Variants in TNRC6C observed in about 807,000 individuals in gnomAD.
TNRC6C encodes the protein trinucleotide repeat-containing gene 6C protein.
In TNRC6C, 20 loss-of-function variants were observed where a neutral mutation model predicts 153.7. That is an observed-to-expected ratio of 0.13 (90% CI 0.09 to 0.19). The LOEUF (loss-of-function observed/expected upper bound fraction) is 0.19, where lower values mean the gene tolerates loss of function less well. Among genes scored for constraint, TNRC6C ranks in the 10% least tolerant of loss-of-function variants. The pLI, the probability that TNRC6C is intolerant of heterozygous loss-of-function variation, is 1.00. For missense variants in TNRC6C, 1,987 were observed against 2,172.0 expected (o/e 0.91, Z 1.69); for synonymous variants, 811 against 841.4 (o/e 0.96, Z 0.63).
Position 77,962,629 on chromosome 17 carries a change from A to C in TNRC6C, c.-38+3361A>C, listed in dbSNP as rs180994334. Among the ~76,000 whole-genome samples, 280 of 152,346 alleles carry C rather than the reference A, an allele frequency of 1.8e-3. 1 individual carries two copies. The highest frequency in any genetic ancestry group is 3.4e-3 in the Middle Eastern group (1 of 294). ...CGGAGTCCTGAACAGACTGAGCGTG[A>C]AAGGGTCTATATAAGCTGGGAAGAA... On this transcript the variant is annotated intron_variant, in intron 1 of 22. Transcript: ENST00000636222.
exon 9 of TNRC6C, chr17:78,077,236 A>G: frequency 6.2e-7 from 1 of 1,602,690 alleles, no homozygotes; most frequent in Non-Finnish European, 8.5e-7. Context: ...GCCTTCCCCA[A>G]GCCTGAAGCT....
chr17:78,015,311 A>C (rs2071707660), intron 1 of TNRC6C, among the ~76,000 whole-genome samples: 1 of 152,238 alleles, frequency 6.6e-6, no homozygotes, highest in Non-Finnish European at 1.5e-5. Context: ...AGCATGAATG[A>C]GGAAACCTTG....
chr17:77,985,712 T>C (rs1257245262), intron 1 of TNRC6C, among the ~76,000 whole-genome samples: 2 of 152,186 alleles, frequency 1.3e-5, no homozygotes, highest in Non-Finnish European at 2.9e-5. Flanking sequence ...TCGGGCCTAC[T>C]TGGATGGATA....
At chr17:78,038,181 A>C (rs986710289) in intron 2 of TNRC6C, among the ~76,000 whole-genome samples, 10 of 152,218 alleles carry the variant, frequency 6.6e-5, no homozygotes, top group African/African-American at 1.9e-4. Context: ...TGAGTGTATA[A>C]AAATTTAAAA....
chr17:78,049,385 C>T lies in TNRC6C; in HGVS notation c.323C>T (p.Ala108Val), dbSNP rs1057345528. Residue 108 changes from alanine (A) to valine (V), a missense_variant, in exon 3 of 20, where the codon GCC becomes GTC. Physicochemically the swap from Ala to Val is moderately conservative, Grantham distance 64. Coordinates refer to ENST00000301624, the Ensembl canonical transcript of TNRC6C. The surrounding 1 kb of genome is among the most constrained non-coding windows in gnomAD (Gnocchi z 4.1). ...CTTAATCCTAATGCCAACCCAGCTG[C>T]CTGGCCTGTACTTGGACATGAAGGA... The T allele has an allele frequency of 1.2e-6, 2 of 1,614,000 alleles. No individual in the cohort carries two copies. Among genetic ancestry groups the T allele is most frequent in the South Asian group, 1.1e-5 (1 of 91,088 alleles).
intron 1 of TNRC6C, among the ~76,000 whole-genome samples, chr17:77,971,140 CT>C (rs1335181275): frequency 6.6e-6 from 1 of 152,154 alleles, no homozygotes; most frequent in Non-Finnish European, 1.5e-5. Context: ...TGTAAAATGT[CT>C]ATCTGAGACC....
chr17:78,067,948 G>A (rs548925449), intron 5 of TNRC6C, 25 bp downstream of exon 7: 4 of 1,577,010 alleles, frequency 2.5e-6, no homozygotes, highest in Non-Finnish European at 3.4e-6. Flanking sequence ...CTTAACGACG[G>A]TACACCCTGA....
exon 20 of TNRC6C, chr17:78,105,623 G>A (rs1307971040): frequency 6.6e-6 from 1 of 151,090 alleles, no homozygotes; most frequent in African/African-American, 2.5e-5. Flanking sequence ...ATGTGTGCGT[G>A]TTGAAACAGA....
chr17:78,098,205 G>T, intron 16 of TNRC6C, 138 bp from the exon 20 acceptor site: 2 of 896,050 alleles, frequency 2.2e-6, no homozygotes, highest in Non-Finnish European at 3.3e-6. Flanking sequence ...GAGTTTGCCA[G>T]GGGCTTGACT....
Position 78,071,073 on chromosome 17 carries a change from A to C in TNRC6C, c.2779-12A>C, listed in dbSNP as rs369383786. The C allele has an allele frequency of 3.5e-5, 56 of 1,594,058 alleles. No individual in the cohort carries two copies. The highest frequency in any genetic ancestry group is 4.7e-5 in the Non-Finnish European group (55 of 1,170,082). ...GCTCATGGACTTCCCCCTTTCCCACACTTTGTTCAAGGGCATGAAGACGTC... is the reference window on the plus strand; with the variant it reads ...GCTCATGGACTTCCCCCTTTCCCACCCTTTGTTCAAGGGCATGAAGACGTC... On this transcript the variant is annotated splice_polypyrimidine_tract_variant and intron_variant, in intron 5 of 19. Coordinates refer to ENST00000301624, the Ensembl canonical transcript of TNRC6C.
At chr17:77,968,098 G>A (rs568948228) in intron 1 of TNRC6C, among the ~76,000 whole-genome samples, 73 of 152,240 alleles carry the variant, frequency 4.8e-4, no homozygotes, top group African/African-American at 1.6e-3. Context: ...CTGTGGCATG[G>A]TCTCAGCTAC....
At chr17:78,092,817 A>AT in intron 14 of TNRC6C, 116 bp from the exon 17 acceptor site, 1 of 739,892 alleles carries the variant, frequency 1.4e-6, no homozygotes, top group Non-Finnish European at 2.2e-6. Context: ...ATGTAACTGA[A>AT]TAGGGCAAGG....
intron 1 of TNRC6C, 142 bp downstream of exon 1, chr17:77,959,410 G>C (rs998439960): frequency 6.6e-6 from 1 of 151,906 alleles, no homozygotes; most frequent in Non-Finnish European, 1.5e-5. Flanking sequence ...GGGCCGGCCG[G>C]GTTTGAGGGG....
chr17:77,973,959 TTTGTTG>T (rs372932549), intron 1 of TNRC6C, among the ~76,000 whole-genome samples: 4 of 151,214 alleles, frequency 2.6e-5, no homozygotes, highest in African/African-American at 2.4e-5. Context: ...CCAGAAGGCT[TTTGTTG>T]TTGTTGTTGT....
At chr17:78,036,425 C>T (rs961031107) in intron 2 of TNRC6C, among the ~76,000 whole-genome samples, 2 of 152,026 alleles carry the variant, frequency 1.3e-5, no homozygotes, top group Admixed American at 1.3e-4. Context: ...GTGTTATAGT[C>T]CTGTACTGTG....
chr17:78,039,221 C>T (rs1181675668), intron 2 of TNRC6C, among the ~76,000 whole-genome samples: 4 of 152,060 alleles, frequency 2.6e-5, no homozygotes, highest in Non-Finnish European at 5.9e-5. Flanking sequence ...TCACTTTATC[C>T]TGTGATGATA....
intron 1 of TNRC6C, among the ~76,000 whole-genome samples, chr17:78,006,711 A>G (rs1004658221): frequency 7.9e-5 from 12 of 151,838 alleles, no homozygotes; most frequent in Non-Finnish European, 1.5e-5. Context: ...TCAAGTAGTA[A>G]CAAATTGCTT....
chr17:78,093,120 C>T (rs763695416), exon 15 of TNRC6C: 14 of 1,612,356 alleles, frequency 8.7e-6, no homozygotes, highest in Non-Finnish European at 1.0e-5. Context: ...TCAACTGGCC[C>T]CCAGGTAAGA....
intron 1 of TNRC6C, among the ~76,000 whole-genome samples, chr17:77,972,091 A>G (rs2070944348): frequency 6.6e-6 from 1 of 152,196 alleles, no homozygotes; most frequent in Non-Finnish European, 1.5e-5. Context: ...AGAAATAGAA[A>G]CATAAAAACA....
Sources: allele counts gnomAD v4.1 joint callset (sites outside exome capture counted in the v4.1 genomes callset), GRCh38; gene constraint gnomAD v4.1.1; non-coding constraint Gnocchi (gnomAD v3.1); transcripts MANE v1.5; gene names NCBI Gene and HGNC (gene_info 2026-07-23, HGNC 2026-07-21).